Variants in FBN1 observed in about 807,000 individuals in gnomAD.
The protein encoded by FBN1 is fibrillin-1.
FBN1 carries 29 observed loss-of-function variants against 365.1 expected under a neutral mutation model. The observed-to-expected ratio is 0.08, with a 90% confidence interval of 0.06 to 0.11. FBN1 has a LOEUF of 0.11. Ranked by LOEUF, FBN1 falls within the 10% of genes least tolerant of loss-of-function variation. FBN1 has a pLI of 1.00. For synonymous variants in FBN1, 1,210 were observed against 1,270.5 expected, an observed-to-expected ratio of 0.95 and a Z score of 1.01; for missense variants, 2,476 against 3,703.2, an observed-to-expected ratio of 0.67 and a Z score of 8.60.
At chr15:48,432,803 A>T in intron 55 of FBN1, 63 bp downstream of exon 55, 1 of 1,598,900 alleles carries the variant, frequency 6.3e-7, no homozygotes, top group Non-Finnish European at 8.6e-7. Context: ...GGAAGCTTTG[A>T]GGGACATCTC....
intron 9 of FBN1, among the ~76,000 whole-genome samples, chr15:48,521,396 T>C (rs1296736386): frequency 6.6e-6 from 1 of 152,322 alleles, no homozygotes; most frequent in Non-Finnish European, 1.5e-5. Flanking sequence ...AGATTTCCTT[T>C]TGTCTTAGGG....
chr15:48,415,795 G>A, intron 63 of FBN1, 28 bp from the exon 64 acceptor site: 3 of 1,574,876 alleles, frequency 1.9e-6, no homozygotes, highest in Non-Finnish European at 2.6e-6. Flanking sequence ...AGCGGCATGT[G>A]TGGCAGCAGC....
chr15:48,433,056 C>G (rs2043036753), intron 54 of FBN1, 68 bp from the exon 55 acceptor site: 1 of 1,558,622 alleles, frequency 6.4e-7, no homozygotes, highest in Non-Finnish European at 8.8e-7. Context: ...ACCAATTGAA[C>G]TAAAACTCTA....
At position 48,412,594 on chromosome 15, in the gene FBN1, T is replaced by G. The variant is rs754014086; in HGVS notation, c.8201A>C (p.Asn2734Thr). 1 of 1,614,156 alleles carries G rather than the reference T, an allele frequency of 6.2e-7. No individual in the cohort carries two copies. The highest frequency in any genetic ancestry group is 1.1e-5 in the South Asian group (1 of 91,084). ...CTCGATATTGGAGGCATCAGTTTCGTTTGTGCTTCTCCGTTTCCTGCCCCG... is the reference window on the plus strand; with the variant it reads ...CTCGATATTGGAGGCATCAGTTTCGGTTGTGCTTCTCCGTTTCCTGCCCCG... ...PKRGRKRRSTNETDASNIEDQ... is the reference protein window; with the variant it reads ...PKRGRKRRSTTETDASNIEDQ... Residue 2734 changes from asparagine to threonine, a missense_variant, in exon 65 of 66, where the codon AAC (asparagine) becomes ACC (threonine). Coordinates refer to ENST00000316623, the MANE Select transcript of FBN1 (RefSeq NM_000138.5).
intron 10 of FBN1, among the ~76,000 whole-genome samples, chr15:48,517,345 C>T (rs995081709): frequency 1.3e-5 from 2 of 152,030 alleles, no homozygotes; most frequent in Non-Finnish European, 2.9e-5. Flanking sequence ...GAAGGGAGTG[C>T]AAAGACAGAA....
intron 2 of FBN1, among the ~76,000 whole-genome samples, chr15:48,630,364 T>A (rs1025160009): frequency 1.3e-5 from 2 of 152,184 alleles, no homozygotes; most frequent in Non-Finnish European, 2.9e-5. Flanking sequence ...CAAAGAATCC[T>A]GGTATGTCTT....
At position 48,610,702 on chromosome 15, in the gene FBN1, T is replaced by C. The variant is rs765410671; in HGVS notation, c.346+26A>G. ...GGGGTATAACCACATAAAATAATAT[T>C]ATATATAATGACATGTTAGACTTAC... On this transcript the variant is annotated intron_variant, in intron 4 of 65. Transcript: ENST00000316623. The C allele has an allele frequency of 3.3e-6, 5 of 1,527,798 alleles. No individual in the cohort carries two copies. In the Admixed American group the frequency reaches 8.4e-5, roughly 26 times the overall value. The allele number at this position is 1,527,798 out of a possible 1,614,324, so 94.6% of individuals were successfully genotyped here.
chr15:48,501,494 A>C (rs2043657400), intron 17 of FBN1, among the ~76,000 whole-genome samples: 1 of 152,174 alleles, frequency 6.6e-6, no homozygotes, highest in Non-Finnish European at 1.5e-5. Flanking sequence ...TTTTCTTTAT[A>C]AATTACTCAA....
At chr15:48,521,722 A>G (rs2043857322) in intron 9 of FBN1, among the ~76,000 whole-genome samples, 1 of 152,236 alleles carries the variant, frequency 6.6e-6, no homozygotes, top group Admixed American at 6.5e-5. Context: ...AGGTAAGCAA[A>G]ATGCAAAACA....
chr15:48,598,698 ACT>A (rs1387352102), intron 5 of FBN1, among the ~76,000 whole-genome samples: 3 of 151,924 alleles, frequency 2.0e-5, no homozygotes, highest in Non-Finnish European at 4.4e-5. Flanking sequence ...ATCCCTCAAG[ACT>A]CAGCCCAAGG....
At position 48,456,914 on chromosome 15, in the gene FBN1, A is replaced by G. The variant is rs778741123; in HGVS notation, c.5297-152T>C. ...TGGTGGTGATGGCAATAGGGACATC[A>G]ACGAATAGCAAATTGAGATAACTAA... On this transcript the variant is annotated intron_variant, in intron 43 of 65. Transcript: ENST00000316623. The G allele has an allele frequency of 2.2e-5, 16 of 727,686 alleles. 1 individual carries two copies. The highest frequency in any genetic ancestry group is 3.9e-5 in the Non-Finnish European group (16 of 411,722). The allele number at this position is 727,686 out of a possible 1,614,324, so 45.1% of individuals were successfully genotyped here.
intron 43 of FBN1, 114 bp downstream of exon 43, chr15:48,460,132 T>C: frequency 1.3e-6 from 1 of 757,438 alleles, no homozygotes; most frequent in Non-Finnish European, 2.4e-6. Flanking sequence ...TTCAATAAAG[T>C]GAAAGGCATT....
At chr15:48,477,717 G>T (rs2043432189) in intron 32 of FBN1, among the ~76,000 whole-genome samples, 1 of 152,188 alleles carries the variant, frequency 6.6e-6, no homozygotes, top group African/African-American at 2.4e-5. Context: ...ATCTCTTTCT[G>T]TAAAAATGTT....
intron 32 of FBN1, among the ~76,000 whole-genome samples, chr15:48,474,940 A>C (rs1471158813): frequency 6.6e-6 from 1 of 152,186 alleles, no homozygotes; most frequent in Admixed American, 6.5e-5. Flanking sequence ...ACCATAAAAA[A>C]TGAGTTGCTT....
intron 50 of FBN1, among the ~76,000 whole-genome samples, chr15:48,440,276 A>T (rs1171854272): frequency 3.3e-5 from 5 of 152,150 alleles, no homozygotes; most frequent in Non-Finnish European, 7.3e-5. Flanking sequence ...TGCCTCCTGG[A>T]GCTGAGCATG....
chr15:48,617,009 C>T (rs539391491), intron 2 of FBN1, among the ~76,000 whole-genome samples: 1 of 152,070 alleles, frequency 6.6e-6, no homozygotes, highest in Non-Finnish European at 1.5e-5. Context: ...CCTCCTGATT[C>T]TAGAGTACGC....
At chr15:48,437,528 G>T in intron 51 of FBN1, 141 bp from the exon 52 acceptor site, 1 of 853,530 alleles carries the variant, frequency 1.2e-6, no homozygotes. Context: ...ACCAGAGGAA[G>T]TTATTTAACG....
At chr15:48,481,838 CCCT>C in intron 31 of FBN1, 58 bp from the exon 32 acceptor site, 1 of 1,487,694 alleles carries the variant, frequency 6.7e-7, no homozygotes, top group Middle Eastern at 1.7e-4. Context: ...GAGTACTTTC[CCCT>C]CGAGACATAA....
intron 7 of FBN1, among the ~76,000 whole-genome samples, chr15:48,536,935 C>A (rs1326265906): frequency 6.6e-6 from 1 of 152,130 alleles, no homozygotes; most frequent in East Asian, 1.9e-4. Flanking sequence ...AGTTTTCAAT[C>A]CCATCAGTTT....
Sources: gnomAD v4.1 joint callset for allele counts (sites outside exome capture counted in the v4.1 genomes callset) on GRCh38, gnomAD v4.1.1 for gene constraint, MANE v1.5 for transcripts, NCBI Gene and HGNC (gene_info 2026-07-23, HGNC 2026-07-21) for gene names.